The following PDZRN4 variants were observed in gnomAD, a reference collection of about 807,000 sequenced individuals.
PDZRN4 encodes the protein PDZ domain containing ring finger 4.
Under a neutral mutation model 99.0 loss-of-function variants are expected in PDZRN4, and 70 were observed. The ratio of observed to expected loss-of-function variants is 0.71; its 90% confidence interval spans 0.58 to 0.86. PDZRN4 has a LOEUF of 0.86. Among genes scored for constraint, PDZRN4 ranks in the 40% least tolerant of loss-of-function variants. The probability of loss-of-function intolerance (pLI) is 0.00; values close to 1 mark genes in which losing one functional copy is unlikely to be tolerated. For missense variants in PDZRN4, 1,474 were observed against 1,331.2 expected (o/e 1.11, Z -1.67); for synonymous variants, 551 against 501.6 (o/e 1.10, Z -1.32).
intron 3 of PDZRN4, among the ~76,000 whole-genome samples, chr12:41,268,644 A>G (rs893653155): frequency 2.6e-5 from 4 of 152,226 alleles, no homozygotes; most frequent in Non-Finnish European, 5.9e-5. Context: ...AAACTTAAAG[A>G]GAATCAGCAC....
chr12:41,509,781 A>G (rs372926604), intron 4 of PDZRN4, 30 bp from the exon 5 acceptor site: 1 of 1,017,632 alleles, frequency 9.8e-7, no homozygotes, highest in Non-Finnish European at 1.5e-6. Flanking sequence ...CATTTAATCT[A>G]TTCCTATCAT....
At chr12:41,477,160 C>G (rs891961155) in intron 3 of PDZRN4, among the ~76,000 whole-genome samples, 1 of 152,306 alleles carries the variant, frequency 6.6e-6, no homozygotes. Context: ...GATCTGTTTG[C>G]AGCTATCTTT....
intron 3 of PDZRN4, among the ~76,000 whole-genome samples, chr12:41,311,267 G>T (rs1025260766): frequency 3.8e-5 from 1 of 26,064 alleles, no homozygotes; most frequent in African/African-American, 7.1e-5. Context: ...TATAAGCAAT[G>T]AGAATTTTTT....
intron 3 of PDZRN4, among the ~76,000 whole-genome samples, chr12:41,217,253 T>A (rs1950927329): frequency 6.6e-6 from 1 of 152,064 alleles, no homozygotes; most frequent in Admixed American, 6.6e-5. Flanking sequence ...TTGTTTGAAA[T>A]CTCTAAGGCA....
At chr12:41,357,656 A>G (rs1441014032) in intron 3 of PDZRN4, among the ~76,000 whole-genome samples, 1 of 151,994 alleles carries the variant, frequency 6.6e-6, no homozygotes, top group Non-Finnish European at 1.5e-5. Context: ...TGTACCTAGT[A>G]TTTAATGAGG....
At chr12:41,553,729 A>G (rs751805604) in intron 6 of PDZRN4, among the ~76,000 whole-genome samples, 4 of 152,092 alleles carry the variant, frequency 2.6e-5, no homozygotes, top group Non-Finnish European at 4.4e-5. Context: ...TTAAAATTAA[A>G]TATGCTTATG....
intron 3 of PDZRN4, among the ~76,000 whole-genome samples, chr12:41,424,332 C>G (rs919802842): frequency 6.6e-5 from 10 of 152,058 alleles, no homozygotes; most frequent in African/African-American, 2.4e-4. Flanking sequence ...TAAAGCTTTC[C>G]TTATGTTGGA....
At chr12:41,428,120 G>A (rs866476009) in intron 3 of PDZRN4, among the ~76,000 whole-genome samples, 7 of 151,782 alleles carry the variant, frequency 4.6e-5, no homozygotes, top group Admixed American at 2.6e-4. Flanking sequence ...AACAAAACTC[G>A]TCTCTTTACT....
At chr12:41,214,562 A>C (rs1026928623) in intron 3 of PDZRN4, among the ~76,000 whole-genome samples, 3 of 151,894 alleles carry the variant, frequency 2.0e-5, no homozygotes, top group Non-Finnish European at 2.9e-5. Flanking sequence ...AGATGAAAGA[A>C]AGGGTTATAT....
At chr12:41,567,118 C>T (rs7301871) in intron 8 of PDZRN4, among the ~76,000 whole-genome samples, 49,095 of 152,110 alleles carry the variant, frequency 0.32, 8,701 homozygotes, top group Admixed American at 0.4. Context: ...CCTTAAATGT[C>T]GCATCCACTG....
intron 3 of PDZRN4, among the ~76,000 whole-genome samples, chr12:41,314,188 A>C (rs1267649563): frequency 6.6e-6 from 1 of 152,158 alleles, no homozygotes; most frequent in Admixed American, 6.5e-5. Context: ...TGTTTTCTCA[A>C]TACCCTCCTC....
chr12:41,466,333 G>T (rs551681777), intron 3 of PDZRN4, among the ~76,000 whole-genome samples: 1 of 152,100 alleles, frequency 6.6e-6, no homozygotes, highest in African/African-American at 2.4e-5. Flanking sequence ...CATTAATACC[G>T]CCATTATCTC....
intron 3 of PDZRN4, among the ~76,000 whole-genome samples, chr12:41,317,587 A>G (rs1592009636): frequency 6.6e-6 from 1 of 152,156 alleles, no homozygotes; most frequent in East Asian, 1.9e-4. Context: ...TCCTTTGTGA[A>G]GCAAAAGCAA....
intron 3 of PDZRN4, among the ~76,000 whole-genome samples, chr12:41,357,192 C>A (rs931667934): frequency 6.6e-6 from 1 of 151,802 alleles, no homozygotes; most frequent in Non-Finnish European, 1.5e-5. Flanking sequence ...TTCTCTCACA[C>A]CCACACACAA....
At chr12:41,427,734 A>G (rs1371001058) in intron 3 of PDZRN4, among the ~76,000 whole-genome samples, 1 of 152,126 alleles carries the variant, frequency 6.6e-6, no homozygotes, top group Non-Finnish European at 1.5e-5. Flanking sequence ...GAATTGAATG[A>G]TTTAGGTCTG....
intron 5 of PDZRN4, among the ~76,000 whole-genome samples, chr12:41,536,379 A>G (rs1387424303): frequency 6.6e-6 from 1 of 152,196 alleles, no homozygotes; most frequent in Admixed American, 6.5e-5. Flanking sequence ...GAAAGGCAAA[A>G]CTACAGAGAA....
intron 3 of PDZRN4, among the ~76,000 whole-genome samples, chr12:41,245,685 G>GT (rs1951129169): frequency 6.6e-6 from 1 of 151,886 alleles, no homozygotes; most frequent in South Asian, 2.1e-4. Flanking sequence ...ATAATAAAAA[G>GT]TGAAAAAAAA....
intron 3 of PDZRN4, among the ~76,000 whole-genome samples, chr12:41,233,681 T>C (rs1028914757): frequency 9.2e-5 from 14 of 151,712 alleles, no homozygotes; most frequent in Admixed American, 1.3e-4. Context: ...AGCAAACTAT[T>C]GCAAGGACAA....
At chr12:41,313,547 C>T (rs1951620688) in intron 3 of PDZRN4, among the ~76,000 whole-genome samples, 4 of 152,094 alleles carry the variant, frequency 2.6e-5, no homozygotes, top group African/African-American at 2.4e-5. Flanking sequence ...TTCAGTCTCC[C>T]CAGCTTCCCT....
Sources: allele counts gnomAD v4.1 joint callset (sites outside exome capture counted in the v4.1 genomes callset), GRCh38; gene constraint gnomAD v4.1.1; transcripts MANE v1.5; gene names NCBI Gene and HGNC (gene_info 2026-07-23, HGNC 2026-07-21).